The following TENM2 variants were observed in gnomAD, a reference collection of about 807,000 sequenced individuals.
TENM2 encodes the protein teneurin-2.
TENM2 carries 52 observed loss-of-function variants against 245.2 expected under a neutral mutation model. That is an observed-to-expected ratio of 0.21 (90% confidence interval 0.17 to 0.27). The LOEUF (loss-of-function observed/expected upper bound fraction) is 0.27, where lower values mean the gene tolerates loss of function less well. TENM2 is among the 10% of genes least tolerant of loss of function. TENM2 has a pLI of 1.00. For synonymous variants in TENM2, 1,363 were observed against 1,438.9 expected (o/e 0.95, Z 1.19); for missense variants, 3,046 against 3,666.8 (o/e 0.83, Z 4.37).
At chr5:167,216,265 A>G in the TENM2 span, among the ~76,000 whole-genome samples, 1 of 152,218 alleles carries the variant, frequency 6.6e-6, no homozygotes, top group Non-Finnish European at 1.5e-5. Context: ...AGTTCAGACA[A>G]AAAGTAATTG....
chr5:168,218,924 G>A lies in TENM2; in HGVS notation c.5033G>A (p.Gly1678Asp), dbSNP rs1168507119. The change falls in exon 23 of 29, where the codon GGT (glycine) becomes GAT (aspartate). Residue 1678 changes from glycine (G) to aspartate (D), a missense_variant. Physicochemically the swap from Gly to Asp is moderately conservative, Grantham distance 94. Coordinates refer to ENST00000518659, the Ensembl canonical transcript of TENM2. The surrounding 1 kb of genome is among the most constrained non-coding windows in gnomAD (Gnocchi z 5.2). ...GTGTCCACACAGAACCTGGAGCTTG[G>A]TCTCATGACCTATGATGGCAACACT... The A allele has an allele frequency of 3.1e-6, 5 of 1,613,850 alleles. No individual in the cohort carries two copies. The highest frequency in any genetic ancestry group is 1.3e-5 in the African/African-American group (1 of 74,912).
chr5:168,024,618 C>T (rs1487999026), intron 5 of TENM2, among the ~76,000 whole-genome samples: 1 of 152,170 alleles, frequency 6.6e-6, no homozygotes, highest in East Asian at 1.9e-4. Context: ...CGCTGAGCTC[C>T]TCTGTCAGCA....
chr5:167,401,843 C>G (rs1178257170), intron 2 of TENM2, among the ~76,000 whole-genome samples: 1 of 152,064 alleles, frequency 6.6e-6, no homozygotes, highest in Non-Finnish European at 1.5e-5. Flanking sequence ...TCAGTTGTAA[C>G]TTTCTCTTGT....
At chr5:168,014,177 A>G (rs1156851672) in intron 5 of TENM2, among the ~76,000 whole-genome samples, 2 of 152,166 alleles carry the variant, frequency 1.3e-5, no homozygotes, top group East Asian at 3.8e-4. Context: ...ATTTTTCTAA[A>G]TTCTTCTTTA....
intron 2 of TENM2, among the ~76,000 whole-genome samples, chr5:167,566,512 G>A (rs766001678): frequency 1.3e-5 from 2 of 152,160 alleles, no homozygotes; most frequent in Admixed American, 6.5e-5. Flanking sequence ...GTTGTGAATT[G>A]CTTTTGTGAT....
intron 2 of TENM2, among the ~76,000 whole-genome samples, chr5:167,517,591 C>T (rs566790373): frequency 1.2e-4 from 18 of 149,316 alleles, no homozygotes; most frequent in Non-Finnish European, 2.1e-4. Flanking sequence ...CATCAGTGAG[C>T]GGATTAAGGG....
At chr5:167,538,576 G>T (rs929295385) in intron 2 of TENM2, among the ~76,000 whole-genome samples, 1 of 152,212 alleles carries the variant, frequency 6.6e-6, no homozygotes, top group Non-Finnish European at 1.5e-5. Context: ...ACAGTTGAGA[G>T]CCTTGGAGCA....
At chr5:167,442,094 C>G (rs1026466117) in intron 2 of TENM2, among the ~76,000 whole-genome samples, 13 of 152,272 alleles carry the variant, frequency 8.5e-5, no homozygotes, top group Admixed American at 3.3e-4. Flanking sequence ...ATTTTCTCCA[C>G]CATGAAATCT....
At chr5:167,276,848 A>T in the TENM2 span, among the ~76,000 whole-genome samples, 1 of 152,008 alleles carries the variant, frequency 6.6e-6, no homozygotes, top group African/African-American at 2.4e-5. Context: ...TTTTTGATCC[A>T]CAGTTGGTGG....
intron 2 of TENM2, among the ~76,000 whole-genome samples, chr5:167,592,987 GTCTTTT>G (rs1297911590): frequency 1.3e-5 from 2 of 151,914 alleles, no homozygotes; most frequent in East Asian, 1.9e-4. Context: ...TGTTATTGTG[GTCTTTT>G]TCTTTGTTTT....
chr5:167,036,108 G>A, the TENM2 span, among the ~76,000 whole-genome samples: 1 of 152,192 alleles, frequency 6.6e-6, no homozygotes, highest in Admixed American at 6.5e-5. Context: ...GTATTGACTT[G>A]AAAGGAAGAT....
chr5:167,925,836 G>C (rs1003530542), intron 3 of TENM2, among the ~76,000 whole-genome samples: 4 of 152,130 alleles, frequency 2.6e-5, no homozygotes, highest in African/African-American at 7.2e-5. Context: ...CATTATCCTT[G>C]GCAAACTAAT....
chr5:167,518,572 G>A (rs1232750778), intron 2 of TENM2, among the ~76,000 whole-genome samples: 1 of 152,132 alleles, frequency 6.6e-6, no homozygotes, highest in Non-Finnish European at 1.5e-5. Context: ...GACAGTGACT[G>A]GAGTAGCTAA....
intron 10 of TENM2, among the ~76,000 whole-genome samples, chr5:168,123,453 C>T (rs540364722): frequency 5.0e-4 from 76 of 152,190 alleles, no homozygotes; most frequent in Non-Finnish European, 1.0e-3. Flanking sequence ...ATTTAGAGAC[C>T]AGAAGTCTTA....
chr5:168,203,398 C>G (rs545751672), intron 17 of TENM2, among the ~76,000 whole-genome samples: 1 of 152,224 alleles, frequency 6.6e-6, no homozygotes, highest in Non-Finnish European at 1.5e-5. Flanking sequence ...CCTTTCCTCC[C>G]TCCATGTCAC....
At chr5:167,722,034 G>A (rs1252293535) in intron 2 of TENM2, among the ~76,000 whole-genome samples, 3 of 152,156 alleles carry the variant, frequency 2.0e-5, no homozygotes, top group Admixed American at 6.5e-5. Context: ...TGCTGAGTAG[G>A]CTCTGTCCCA....
the TENM2 span, among the ~76,000 whole-genome samples, chr5:167,075,461 G>A: frequency 6.6e-6 from 1 of 152,282 alleles, no homozygotes; most frequent in South Asian, 2.1e-4. Context: ...GAATGGCATG[G>A]GGATGTGGGA....
At chr5:167,171,576 A>G in the TENM2 span, among the ~76,000 whole-genome samples, 19 of 152,168 alleles carry the variant, frequency 1.2e-4, no homozygotes, top group Non-Finnish European at 2.6e-4. Context: ...TTTCACCTCC[A>G]GAACTGAAAA....
intron 2 of TENM2, among the ~76,000 whole-genome samples, chr5:167,739,083 G>A (rs932001442): frequency 6.6e-6 from 1 of 152,126 alleles, no homozygotes; most frequent in Non-Finnish European, 1.5e-5. Context: ...ACATTAAAAC[G>A]AGTTAAAGTT....
Sources: gnomAD v4.1 joint callset for allele counts (sites outside exome capture counted in the v4.1 genomes callset) on GRCh38, gnomAD v4.1.1 for gene constraint, Gnocchi (gnomAD v3.1) non-coding constraint, MANE v1.5 for transcripts, NCBI Gene and HGNC (gene_info 2026-07-23, HGNC 2026-07-21) for gene names.